Variants in FOXK1 observed in about 807,000 individuals in gnomAD.
FOXK1 encodes the protein forkhead box K1.
FOXK1 carries 19 observed loss-of-function variants against 51.9 expected under a neutral mutation model. That is an observed-to-expected ratio of 0.37 (90% CI 0.26 to 0.54). The LOEUF is 0.54. Ranked by LOEUF, FOXK1 falls within the 20% of genes least tolerant of loss-of-function variation. FOXK1 has a pLI of 0.87. For missense variants in FOXK1, 870 were observed against 1,032.7 expected, an observed-to-expected ratio of 0.84 and a Z score of 2.16; for synonymous variants, 537 against 482.6, an observed-to-expected ratio of 1.11 and a Z score of -1.48.
Position 4,733,673 on chromosome 7 carries a change from A to G in FOXK1, c.561-7165A>G, listed in dbSNP as rs932085227. The stretch of plus-strand genomic sequence containing the variant: ...GGAACTACAGCCTCAGCCACAGTCC[A>G]GGAAGCTGCCCAGTGCCCACATGGG... On this transcript the variant is annotated intron_variant, in intron 1 of 8. Coordinates refer to ENST00000328914, the MANE Select transcript of FOXK1 (RefSeq NM_001037165.2). The surrounding 1 kb of genome is among the most constrained non-coding windows in gnomAD (Gnocchi z 5.0). Among the ~76,000 whole-genome samples, 1 of 152,250 alleles carries G rather than the reference A, an allele frequency of 6.6e-6. No individual in the cohort carries two copies. The highest frequency in any genetic ancestry group is 3.2e-3 in the Middle Eastern group (1 of 316).
rs991662864 is a variant in FOXK1, at chr7:4,734,544, G to T, written c.561-6294G>T. Among the ~76,000 whole-genome samples the T allele has an allele frequency of 1.4e-4, 21 of 152,200 alleles. No homozygotes were observed. The highest frequency in any genetic ancestry group is 5.1e-4 in the African/African-American group (21 of 41,448). ...TCCCCAAGTGTCTGTTCTTGTGGAAGGGGAGGTGCCCCCCGGCCCACCCCC... is the reference window on the plus strand; with the variant it reads ...TCCCCAAGTGTCTGTTCTTGTGGAATGGGAGGTGCCCCCCGGCCCACCCCC... On this transcript the variant is annotated intron_variant, in intron 1 of 8. Transcript: ENST00000328914. This position sits in a 1 kb window ranked among gnomAD's most constrained non-coding sequence, Gnocchi z 5.2.
In FOXK1 at chr7:4,704,834, C is replaced by CTTTTTT. The variant is rs775099211; in HGVS notation, c.560+21976_560+21981dup. 6.2e-4 allele frequency among the ~76,000 whole-genome samples: 82 copies of CTTTTTT among 131,396 alleles called. 8 individuals carry two copies. The highest frequency in any genetic ancestry group is 2.4e-3 in the African/African-American group (73 of 31,032). 86.2% of individuals were successfully genotyped at this position (131,396 alleles called of 152,430 possible). On this transcript the variant is annotated intron_variant, in intron 1 of 8. Transcript: ENST00000328914. Reference sequence around the variant, plus strand: ...CTCCCAAACCAATCTATGTTTCATTCTTTTTTTTTTTTTTTGAGAAAAAGT... The same window carrying CTTTTTT: ...CTCCCAAACCAATCTATGTTTCATTCTTTTTTTTTTTTTTTTTTTTTGAGAAAAAGT...
chr7:4,768,618 G>C lies in FOXK1; in HGVS notation c.*6154G>C, dbSNP rs1781051624. The C allele has an allele frequency of 6.6e-6, 1 of 152,476 alleles. No homozygotes were observed. The highest frequency in any genetic ancestry group is 2.1e-4 in the South Asian group (1 of 4,836). The allele number at this position is 152,476 out of a possible 1,614,324, so 9.4% of individuals were successfully genotyped here. On this transcript the variant is annotated 3_prime_UTR_variant, in exon 9 of 9. Transcript: ENST00000328914. ...CTCCGGGAAGGTGGGCAGGGTGGAG[G>C]GCCCAGGGCTAGGCCTGCCATGCAC... is the stretch of plus-strand genomic sequence containing the variant.
rs915027414 is a variant in FOXK1, at chr7:4,743,508, C to T, written c.746+2485C>T. On this transcript the variant is annotated intron_variant, in intron 2 of 8. Transcript: ENST00000328914. The surrounding 1 kb of genome is among the most constrained non-coding windows in gnomAD (Gnocchi z 5.3). ...AAGGTTGCAGTGAGCTGAGATCACG[C>T]GACTGCACTCCAGCCCGGGCGATAG... Among the ~76,000 whole-genome samples the T allele has an allele frequency of 5.3e-5, 8 of 152,176 alleles. No homozygotes were observed. Among genetic ancestry groups the T allele is most frequent in the Non-Finnish European group, 1.0e-4 (7 of 68,026 alleles).
chr7:4,715,223 A>ATACGGGGCACGGTGGAACTGTGG lies in FOXK1; in HGVS notation c.561-25614_561-25613insACGGGGCACGGTGGAACTGTGGT, dbSNP rs1780219731. Among the ~76,000 whole-genome samples the ATACGGGGCACGGTGGAACTGTGG allele has an allele frequency of 1.8e-5, 2 of 111,602 alleles. No homozygotes were observed. Among genetic ancestry groups the ATACGGGGCACGGTGGAACTGTGG allele is most frequent in the African/African-American group, 9.1e-5 (2 of 22,044 alleles). The allele number at this position is 111,602 out of a possible 152,430, so 73.2% of individuals were successfully genotyped here. ...CGATACGGGGCACGGTGGAACTGTG[A>ATACGGGGCACGGTGGAACTGTGG]TGATATCGGGCATGGCGAAATTGTG... On this transcript the variant is annotated intron_variant, in intron 1 of 8. Transcript: ENST00000328914. The surrounding 1 kb of genome is among the most constrained non-coding windows in gnomAD (Gnocchi z 4.5).
chr7:4,738,308 G>T (rs11773315), intron 1 of FOXK1, among the ~76,000 whole-genome samples: 3 of 146,670 alleles, frequency 2.0e-5, no homozygotes, highest in Non-Finnish European at 3.0e-5. Context: ...GTGGTGGTGC[G>T]TGCCTGTAAT....
rs1781004158 is a variant in FOXK1 at position 4,765,913 on chromosome 7, G to A, written c.*3449G>A. 2 of 152,184 alleles carry A rather than the reference G, an allele frequency of 1.3e-5. No individual in the cohort carries two copies. The highest frequency in any genetic ancestry group is 4.8e-5 in the African/African-American group (2 of 41,432). 9.4% of individuals were successfully genotyped at this position (152,184 alleles called of 1,614,324 possible). ...GGCCTGAGCGTCCCCAGGCTGCTAG[G>A]GCAGCAGCTGGCTCAGGGCACACTC... On this transcript the variant is annotated 3_prime_UTR_variant, in exon 9 of 9. Coordinates refer to ENST00000328914, the MANE Select transcript of FOXK1 (RefSeq NM_001037165.2).
chr7:4,714,142 A>G (rs1385005897), intron 1 of FOXK1, among the ~76,000 whole-genome samples: 1 of 152,044 alleles, frequency 6.6e-6, no homozygotes, highest in African/African-American at 2.4e-5. Context: ...TTTCTTACCC[A>G]TCTTTAAGAT....
In FOXK1 at chr7:4,734,265, T is replaced by A. The variant is rs1354171265; in HGVS notation, c.561-6573T>A. On this transcript the variant is annotated intron_variant, in intron 1 of 8. Coordinates refer to ENST00000328914, the MANE Select transcript of FOXK1 (RefSeq NM_001037165.2). The surrounding 1 kb of genome is among the most constrained non-coding windows in gnomAD (Gnocchi z 5.2). ...CAGAGCCTCTGAAGCTCCTGTTTTC[T>A]TTGTCCTTCCTGAGACAGATCTCAT... Among the ~76,000 whole-genome samples the A allele has an allele frequency of 6.6e-6, 1 of 152,206 alleles. No homozygotes were observed. The highest frequency in any genetic ancestry group is 2.4e-5 in the African/African-American group (1 of 41,452).
intron 2 of FOXK1, among the ~76,000 whole-genome samples, chr7:4,752,790 C>CCCTCCGG (rs1366923932): frequency 1.3e-5 from 2 of 152,168 alleles, no homozygotes; most frequent in African/African-American, 4.8e-5. Flanking sequence ...GTGTGCTGGC[C>CCCTCCGG]CCATTGTCTG....
rs1036271847 is a variant in FOXK1 at position 4,753,265 on chromosome 7, G to A, written c.747-1194G>A. Among the ~76,000 whole-genome samples, 1 of 152,110 alleles carries A rather than the reference G, an allele frequency of 6.6e-6. No individual in the cohort carries two copies. On this transcript the variant is annotated intron_variant, in intron 2 of 8. Coordinates refer to ENST00000328914, the MANE Select transcript of FOXK1 (RefSeq NM_001037165.2). The surrounding 1 kb of genome is among the most constrained non-coding windows in gnomAD (Gnocchi z 4.9). ...GCTCCATCCAAAAAATGTTTCTTGA[G>A]CCCCGCCTGCACCCAAGGGGGCTCC...
chr7:4,693,666 G>A (rs993288284), intron 1 of FOXK1, among the ~76,000 whole-genome samples: 9 of 152,074 alleles, frequency 5.9e-5, no homozygotes, highest in Admixed American at 3.9e-4. Flanking sequence ...CAGAGTGATG[G>A]GGGAGGTGGG....
At chr7:4,690,601 G>T (rs1305690255) in intron 1 of FOXK1, among the ~76,000 whole-genome samples, 1 of 152,250 alleles carries the variant, frequency 6.6e-6, no homozygotes, top group Non-Finnish European at 1.5e-5. Flanking sequence ...TATGAGGAGG[G>T]TGTTGTCGTG....
chr7:4,685,221 C>CT lies in FOXK1; in HGVS notation c.560+2373dup, dbSNP rs55891300. Among the ~76,000 whole-genome samples, 422 of 102,614 alleles carry CT rather than the reference C, an allele frequency of 4.1e-3. 4 individuals are homozygous for CT. Among genetic ancestry groups the CT allele is most frequent in the African/African-American group, 0.011 (317 of 28,964 alleles). The allele number at this position is 102,614 out of a possible 152,430, so 67.3% of individuals were successfully genotyped here. On this transcript the variant is annotated intron_variant, in intron 1 of 8. Transcript: ENST00000328914. ...CACCCTCCTAGAAAAGAGCTATTTG[C>CT]TTTTTTTTTTTTTTTTTTTTCTGTC...
intron 1 of FOXK1, among the ~76,000 whole-genome samples, chr7:4,716,302 C>A (rs1301454927): frequency 6.6e-6 from 1 of 151,562 alleles, no homozygotes; most frequent in African/African-American, 2.4e-5. Context: ...GAGTTCAAGA[C>A]CAGCCTGGGT....
intron 1 of FOXK1, among the ~76,000 whole-genome samples, chr7:4,720,343 T>G (rs1256778091): frequency 6.6e-6 from 1 of 152,174 alleles, no homozygotes; most frequent in East Asian, 1.9e-4. Context: ...AGAGCTTTTG[T>G]TATGTATGGT....
rs1026962256 is a variant in FOXK1 at position 4,731,929 on chromosome 7, G to C, written c.561-8909G>C. Reference sequence around the variant, plus strand: ...CGTCCGGTCAGGACTGATGTTCACGGCATGGAGACCTGAGGCCACACGGAG... The same window carrying C: ...CGTCCGGTCAGGACTGATGTTCACGCCATGGAGACCTGAGGCCACACGGAG... On this transcript the variant is annotated intron_variant, in intron 1 of 8. Coordinates refer to ENST00000328914, the MANE Select transcript of FOXK1 (RefSeq NM_001037165.2). This position sits in a 1 kb window ranked among gnomAD's most constrained non-coding sequence, Gnocchi z 5.3. Among the ~76,000 whole-genome samples, 3 of 152,220 alleles carry C rather than the reference G, an allele frequency of 2.0e-5. No homozygotes were observed. Among genetic ancestry groups the C allele is most frequent in the African/African-American group, 7.2e-5 (3 of 41,466 alleles).
intron 1 of FOXK1, among the ~76,000 whole-genome samples, chr7:4,694,390 C>G (rs75181015): frequency 0.02 from 2,996 of 152,284 alleles, 98 homozygotes; most frequent in African/African-American, 0.066. Context: ...AAATTTCTCT[C>G]TCTTTCCCTT....
rs185571690 is a variant in FOXK1, at chr7:4,705,587, A to G, written c.560+22719A>G. ...TCTCGCTCTCTCGTCGCCAGGCTGGAGTACACTGGCGCAATGTCTGTTCAC... is the reference window on the plus strand; with the variant it reads ...TCTCGCTCTCTCGTCGCCAGGCTGGGGTACACTGGCGCAATGTCTGTTCAC... On this transcript the variant is annotated intron_variant, in intron 1 of 8. Coordinates refer to ENST00000328914, the MANE Select transcript of FOXK1 (RefSeq NM_001037165.2). Among the ~76,000 whole-genome samples the G allele has an allele frequency of 4.7e-3, 598 of 127,330 alleles. 5 individuals are homozygous for G. Among genetic ancestry groups the G allele is most frequent in the Middle Eastern group, 0.021 (5 of 242 alleles). 83.5% of individuals were successfully genotyped at this position (127,330 alleles called of 152,430 possible).
Sources: allele counts gnomAD v4.1 joint callset (sites outside exome capture counted in the v4.1 genomes callset), GRCh38; gene constraint gnomAD v4.1.1; non-coding constraint Gnocchi (gnomAD v3.1); transcripts MANE v1.5; gene names NCBI Gene and HGNC (gene_info 2026-07-23, HGNC 2026-07-21).